PSPC1: variants seen among roughly 807,000 people sequenced by gnomAD.
PSPC1 encodes paraspeckle component 1.
PSPC1 carries 14 observed loss-of-function variants against 51.6 expected under a neutral mutation model. That is an observed-to-expected ratio of 0.27 (90% confidence interval 0.18 to 0.42). The LOEUF (loss-of-function observed/expected upper bound fraction) is 0.42. Among genes scored for constraint, PSPC1 ranks in the 10% least tolerant of loss-of-function variants. PSPC1 has a pLI of 1.00. For missense variants in PSPC1, 406 were observed against 701.1 expected, an observed-to-expected ratio of 0.58 and a Z score of 4.75; for synonymous variants, 193 against 231.9, an observed-to-expected ratio of 0.83 and a Z score of 1.53.
At chr13:19,677,477 T>C (rs1207530528) in intron 7 of PSPC1, among the ~76,000 whole-genome samples, 1 of 152,176 alleles carries the variant, frequency 6.6e-6, no homozygotes, top group Non-Finnish European at 1.5e-5. Context: ...AAGGCGAAGC[T>C]GAGAGTCCCC....
chr13:19,678,181 C>G (rs1876879276), intron 6 of PSPC1: 1 of 197,622 alleles, frequency 5.1e-6, no homozygotes. Context: ...TTGTTGATAC[C>G]TCAGCACAAC....
chr13:19,687,295 A>G (rs1016680567), intron 6 of PSPC1, among the ~76,000 whole-genome samples: 2 of 152,184 alleles, frequency 1.3e-5, no homozygotes, highest in African/African-American at 2.4e-5. Flanking sequence ...ATGCAACTGC[A>G]GTGTTCTATG....
intron 1 of PSPC1, among the ~76,000 whole-genome samples, chr13:19,776,883 T>G (rs1215742681): frequency 6.7e-6 from 1 of 149,062 alleles, no homozygotes; most frequent in Non-Finnish European, 1.5e-5. Context: ...CCCAGCACTT[T>G]GGGAGGCCGA....
chr13:19,713,810 C>G (rs946964415), intron 6 of PSPC1, among the ~76,000 whole-genome samples: 4 of 152,236 alleles, frequency 2.6e-5, no homozygotes, highest in African/African-American at 2.4e-5. Context: ...ATGGAGTACA[C>G]TAAGAGTCCC....
intron 8 of PSPC1, 75 bp from the exon 9 acceptor site, chr13:19,703,435 T>C: frequency 1.5e-6 from 2 of 1,317,190 alleles, no homozygotes; most frequent in Non-Finnish European, 2.1e-6. Flanking sequence ...CAAGAAAAAT[T>C]GGCAAAATCC....
At chr13:19,772,190 G>A in intron 2 of PSPC1, 52 bp downstream of exon 2, 2 of 1,547,098 alleles carry the variant, frequency 1.3e-6, no homozygotes, top group Non-Finnish European at 1.7e-6. Context: ...CCAAAACAGA[G>A]AGAAGCCCAT....
At chr13:19,673,098 G>GTTT, downstream of PSPC1, 4 of 407,558 alleles carry the variant, frequency 9.8e-6, no homozygotes, top group Admixed American at 2.8e-5. Flanking sequence ...GTTTTTTTTT[G>GTTT]TTTTTTTTTT....
At chr13:19,780,113 A>G (rs1889764837) in intron 1 of PSPC1, among the ~76,000 whole-genome samples, 1 of 80,086 alleles carries the variant, frequency 1.2e-5, no homozygotes, top group Non-Finnish European at 2.8e-5. Context: ...CTGCCCGGCC[A>G]GCCGCCCCGT....
At chr13:19,735,916 G>C (rs1884725020) in intron 5 of PSPC1, among the ~76,000 whole-genome samples, 2 of 152,156 alleles carry the variant, frequency 1.3e-5, no homozygotes, top group Non-Finnish European at 2.9e-5. Context: ...ACGCCTCCTG[G>C]GTTCAAGCCA....
intron 8 of PSPC1, among the ~76,000 whole-genome samples, chr13:19,704,508 T>C (rs541789377): frequency 6.6e-6 from 1 of 152,420 alleles, no homozygotes; most frequent in South Asian, 2.1e-4. Flanking sequence ...CAGTGCTTTC[T>C]TTCTTTCTTA....
chr13:19,750,023 C>T (rs1489026086), intron 4 of PSPC1, among the ~76,000 whole-genome samples: 2 of 151,990 alleles, frequency 1.3e-5, no homozygotes, highest in Non-Finnish European at 2.9e-5. Flanking sequence ...TAGTGATGTA[C>T]GAAATACTAG....
At chr13:19,673,586 A>G (rs1473999595), downstream of PSPC1, 2 of 164,876 alleles carry the variant, frequency 1.2e-5, no homozygotes, top group East Asian at 1.7e-4. Context: ...TTTCTGGGGG[A>G]AAAGGGAGGA....
downstream of PSPC1, chr13:19,671,230 A>G: frequency 6.2e-7 from 1 of 1,613,956 alleles, no homozygotes; most frequent in Non-Finnish European, 8.5e-7. Flanking sequence ...TTACTCATTC[A>G]GCCCTGTTGC....
At chr13:19,736,227 C>A (rs958333992) in intron 5 of PSPC1, among the ~76,000 whole-genome samples, 10 of 152,092 alleles carry the variant, frequency 6.6e-5, no homozygotes, top group African/African-American at 2.4e-4. Context: ...AAGATTGTAA[C>A]AGATTTATTA....
At position 19,686,791 on chromosome 13, in the gene PSPC1, A is replaced by G. The variant is rs140228575; in HGVS notation, c.1159-8968T>C. Reference sequence around the variant, plus strand: ...CTCAAGGAGGATCTGAATGATGGCTATAATGAAGGGCCTATTTAGGTAACT... The same window carrying G: ...CTCAAGGAGGATCTGAATGATGGCTGTAATGAAGGGCCTATTTAGGTAACT... On this transcript the variant is annotated intron_variant and NMD_transcript_variant, in intron 6 of 7. Coordinates refer to the PSPC1 transcript ENST00000471658. Among the ~76,000 whole-genome samples the G allele has an allele frequency of 4.6e-5, 7 of 152,350 alleles. No individual in the cohort carries two copies. The East Asian group carries it at 1.2e-3, about 25-fold the overall frequency.
At chr13:19,730,864 T>C (rs868312069) in intron 5 of PSPC1, among the ~76,000 whole-genome samples, 7 of 144,692 alleles carry the variant, frequency 4.8e-5, no homozygotes, top group Non-Finnish European at 9.0e-5. Context: ...CCAGAATAGG[T>C]TGAACTCAGG....
chr13:19,737,653 T>A (rs1226625992), intron 5 of PSPC1, among the ~76,000 whole-genome samples: 1 of 152,190 alleles, frequency 6.6e-6, no homozygotes, highest in Non-Finnish European at 1.5e-5. Flanking sequence ...GCAAAAACCC[T>A]GTTTCTCAAG....
chr13:19,695,269 A>G (rs1879068210), intron 6 of PSPC1, among the ~76,000 whole-genome samples: 2 of 152,230 alleles, frequency 1.3e-5, no homozygotes, highest in South Asian at 4.1e-4. Context: ...ATGAACCCCT[A>G]GACTTTAGTT....
In PSPC1 at chr13:19,676,226, A is replaced by G. The variant is rs1224547805; in HGVS notation, c.*77-1242T>C. 6.6e-5 allele frequency among the ~76,000 whole-genome samples: 10 copies of G among 152,288 alleles called. No individual in the cohort carries two copies. In the East Asian group the frequency reaches 1.7e-3, roughly 26 times the overall value. ...GTTCTTTGGATTTTCAGATACCTACATAATACAGCAATTTAAAAGTTTAAC... is the reference window on the plus strand; with the variant it reads ...GTTCTTTGGATTTTCAGATACCTACGTAATACAGCAATTTAAAAGTTTAAC... On this transcript the variant is annotated intron_variant and NMD_transcript_variant, in intron 7 of 7. Coordinates refer to the PSPC1 transcript ENST00000471658.
Sources: gnomAD v4.1 joint callset for allele counts (sites outside exome capture counted in the v4.1 genomes callset) on GRCh38, gnomAD v4.1.1 for gene constraint, MANE v1.5 for transcripts, NCBI Gene and HGNC (gene_info 2026-07-23, HGNC 2026-07-21) for gene names.